Variants in DSCAM observed in about 807,000 individuals in gnomAD.
DSCAM encodes DS cell adhesion molecule.
Under a neutral mutation model 217.7 loss-of-function variants are expected in DSCAM, and 47 were observed. The observed-to-expected ratio is 0.22, with a 90% CI of 0.17 to 0.28. The LOEUF (loss-of-function observed/expected upper bound fraction) is 0.28. Ranked by LOEUF, DSCAM falls within the 10% of genes least tolerant of loss-of-function variation. DSCAM has a pLI of 1.00. For missense variants in DSCAM, 2,080 were observed against 2,618.3 expected, an observed-to-expected ratio of 0.79 and a Z score of 4.49; for synonymous variants, 1,056 against 1,015.3, an observed-to-expected ratio of 1.04 and a Z score of -0.76.
intron 7 of DSCAM, 74 bp downstream of exon 7, chr21:40,339,045 G>A (rs1431354007): frequency 2.4e-5 from 38 of 1,552,858 alleles, no homozygotes; most frequent in Middle Eastern, 2.3e-4. Flanking sequence ...GACCCAGCTC[G>A]GTGCATGCAG....
At chr21:40,418,135 T>C (rs775559600) in intron 3 of DSCAM, among the ~76,000 whole-genome samples, 10 of 152,072 alleles carry the variant, frequency 6.6e-5, no homozygotes, top group Non-Finnish European at 1.0e-4. Context: ...AGAGTATCAG[T>C]TGTGTTCGGC....
intron 11 of DSCAM, among the ~76,000 whole-genome samples, chr21:40,244,636 C>A (rs1417787376): frequency 3.3e-5 from 5 of 151,984 alleles, no homozygotes; most frequent in Non-Finnish European, 7.4e-5. Context: ...TGTTCTGGAC[C>A]AAAGCTAAGT....
At chr21:40,286,089 CA>C (rs534350929) in intron 10 of DSCAM, among the ~76,000 whole-genome samples, 138 of 152,240 alleles carry the variant, frequency 9.1e-4, no homozygotes, top group South Asian at 3.9e-3. Context: ...TGCAGATGCA[CA>C]GGCAGGGGTG....
At chr21:40,393,532 CA>C (rs1244348357) in intron 3 of DSCAM, among the ~76,000 whole-genome samples, 1 of 152,110 alleles carries the variant, frequency 6.6e-6, no homozygotes, top group African/African-American at 2.4e-5. Context: ...CTTTAACTTA[CA>C]TTTTTTTCTG....
At chr21:40,172,825 T>C (rs1966860103) in intron 15 of DSCAM, among the ~76,000 whole-genome samples, 1 of 152,080 alleles carries the variant, frequency 6.6e-6, no homozygotes, top group African/African-American at 2.4e-5. Flanking sequence ...TTTTAAAAAG[T>C]AGTGAGGAGC....
chr21:40,092,858 A>T (rs976806058), intron 21 of DSCAM, among the ~76,000 whole-genome samples: 1 of 152,146 alleles, frequency 6.6e-6, no homozygotes, highest in Non-Finnish European at 1.5e-5. Flanking sequence ...TGAGCTCAAA[A>T]TGTGACACCC....
At chr21:40,397,727 G>A (rs764635335) in intron 3 of DSCAM, among the ~76,000 whole-genome samples, 26 of 151,534 alleles carry the variant, frequency 1.7e-4, no homozygotes, top group Non-Finnish European at 3.1e-4. Context: ...TACTATTGGC[G>A]GTACTACTAC....
chr21:40,287,023 GGTGTGATCTGCAGTGTGATCACA>G (rs905325651), intron 10 of DSCAM, among the ~76,000 whole-genome samples: 93 of 132,232 alleles, frequency 7.0e-4, no homozygotes, highest in Non-Finnish European at 1.1e-3. Context: ...AGGTATCTGC[GGTGTGATCTGCAGTGTGATCACA>G]GTGTGATCTG....
At chr21:40,190,471 T>C (rs1034904158) in intron 11 of DSCAM, among the ~76,000 whole-genome samples, 1 of 152,132 alleles carries the variant, frequency 6.6e-6, no homozygotes, top group Non-Finnish European at 1.5e-5. Flanking sequence ...GGGTTCTATC[T>C]TGACAGAAAG....
intron 3 of DSCAM, among the ~76,000 whole-genome samples, chr21:40,525,413 G>A (rs562092942): frequency 6.6e-6 from 1 of 152,256 alleles, no homozygotes; most frequent in East Asian, 1.9e-4. Context: ...AAGAGTGTGT[G>A]TGAGGGCCCT....
At chr21:40,331,063 G>A (rs533766280) in intron 8 of DSCAM, among the ~76,000 whole-genome samples, 4 of 152,282 alleles carry the variant, frequency 2.6e-5, no homozygotes, top group Admixed American at 2.6e-4. Flanking sequence ...CCACTTTAAT[G>A]AGGAACTAAA....
At chr21:40,472,911 T>C (rs1280038426) in intron 3 of DSCAM, among the ~76,000 whole-genome samples, 3 of 152,160 alleles carry the variant, frequency 2.0e-5, no homozygotes, top group Non-Finnish European at 4.4e-5. Context: ...TGTTTGGCCA[T>C]GCTGATGGTG....
intron 3 of DSCAM, among the ~76,000 whole-genome samples, chr21:40,379,985 A>C (rs370652800): frequency 1.1e-4 from 17 of 152,210 alleles, no homozygotes; most frequent in African/African-American, 3.4e-4. Context: ...CACATGGGGC[A>C]TGAGGAATAA....
rs536074283 is a variant in DSCAM, at chr21:40,556,857, A to G, written c.508+135953T>C. ...TGAGGTTTGAAGGGAATAAATATCC[A>G]TATCATAGCACTATTCATTAAATGG... is the stretch of plus-strand genomic sequence containing the variant. On this transcript the variant is annotated intron_variant, in intron 3 of 32. Coordinates refer to ENST00000400454, the MANE Select transcript of DSCAM (RefSeq NM_001389.5). 2.6e-5 allele frequency among the ~76,000 whole-genome samples: 4 copies of G among 152,274 alleles called. No homozygotes were observed. The East Asian group carries it at 5.8e-4, about 22-fold the overall frequency.
intron 8 of DSCAM, among the ~76,000 whole-genome samples, chr21:40,332,884 A>C (rs1165762788): frequency 6.6e-6 from 1 of 152,212 alleles, no homozygotes; most frequent in South Asian, 2.1e-4. Flanking sequence ...CATGATGAAA[A>C]AATAGTATTG....
intron 3 of DSCAM, chr21:40,618,823 A>G (rs2837753): frequency 0.31 from 47,011 of 152,012 alleles, 7,382 homozygotes; most frequent in South Asian, 0.4. Context: ...TCCTTCTTAT[A>G]GCAATCACAG....
At chr21:40,522,125 A>C (rs1273156010) in intron 3 of DSCAM, among the ~76,000 whole-genome samples, 1 of 152,230 alleles carries the variant, frequency 6.6e-6, no homozygotes, top group African/African-American at 2.4e-5. Context: ...AAAGCTAGGC[A>C]TAAGGTATGT....
intron 1 of DSCAM, among the ~76,000 whole-genome samples, chr21:40,823,221 G>A (rs1290641726): frequency 6.6e-6 from 1 of 150,800 alleles, no homozygotes; most frequent in African/African-American, 2.4e-5. Context: ...GTGTGTGTGT[G>A]TGTGTGTCAA....
At chr21:40,232,568 AT>A (rs1205722158) in intron 11 of DSCAM, among the ~76,000 whole-genome samples, 7 of 152,156 alleles carry the variant, frequency 4.6e-5, no homozygotes, top group Non-Finnish European at 8.8e-5. Flanking sequence ...GCTGTTTGAC[AT>A]TTCATGTTTT....
Sources: gnomAD v4.1 joint callset for allele counts (sites outside exome capture counted in the v4.1 genomes callset) on GRCh38, gnomAD v4.1.1 for gene constraint, MANE v1.5 for transcripts, NCBI Gene and HGNC (gene_info 2026-07-23, HGNC 2026-07-21) for gene names.